Variants in ARHGEF28 observed in about 807,000 individuals in gnomAD.
The protein encoded by ARHGEF28 is Rho guanine nucleotide exchange factor 28.
In ARHGEF28, 152 loss-of-function variants were observed where a neutral mutation model predicts 206.6. The ratio of observed to expected loss-of-function variants is 0.74; its 90% CI spans 0.64 to 0.84. ARHGEF28 has a LOEUF of 0.84. ARHGEF28 is among the 40% of genes least tolerant of loss of function. The pLI is 0.00. For missense variants in ARHGEF28, 2,028 were observed against 2,073.2 expected, an observed-to-expected ratio of 0.98 and a Z score of 0.42; for synonymous variants, 763 against 776.4, an observed-to-expected ratio of 0.98 and a Z score of 0.29.
Position 73,840,389 on chromosome 5 carries a change from G to A in ARHGEF28, c.1147-91G>A, listed in dbSNP as rs959814395. ...CTCGGCCTCCTACCACGCCTGGCCA[G>A]AAGTTTTTAAATTGGGAAAATTTTA... On this transcript the variant is annotated intron_variant, in intron 10 of 35. Transcript: ENST00000513042. 3 of 1,385,236 alleles carry A rather than the reference G, an allele frequency of 2.2e-6. No individual in the cohort carries two copies. The African/African-American group carries it at 4.3e-5, about 20-fold the overall frequency. 85.8% of individuals were successfully genotyped at this position (1,385,236 alleles called of 1,614,324 possible).
intron 35 of ARHGEF28, among the ~76,000 whole-genome samples, chr5:73,937,312 A>G (rs1764477017): frequency 6.6e-6 from 1 of 152,186 alleles, no homozygotes; most frequent in Non-Finnish European, 1.5e-5. Context: ...TTTCCTGCAG[A>G]GGCTGAAATT....
At position 73,849,076 on chromosome 5, in the gene ARHGEF28, G is replaced by C; in HGVS notation, c.1736G>C (p.Ser579Thr). ...TTGGTGCGTGAATTAACAGTATGCA[G>C]TTCAAGTGAAGGTAAGCATCATTTA... is the stretch of plus-strand genomic sequence containing the variant. ...TRLVRELTVC[S>T]SSEEQRAYSL... is the part of the protein sequence containing the mutation. The change falls in exon 13 of 36, where the codon AGT becomes ACT. Residue 579 changes from serine (S) to threonine (T), a missense_variant. By Grantham distance (58) the Ser-to-Thr change is moderately conservative (BLOSUM62 1). Around this residue, in one of 3 missense-constraint regions of ARHGEF28, gnomAD observed 1,002 missense variants for 1,015.3 expected, o/e 0.99. Transcript: ENST00000513042. The C allele has an allele frequency of 6.4e-7, 1 of 1,561,676 alleles. No homozygotes were observed.
intron 35 of ARHGEF28, among the ~76,000 whole-genome samples, chr5:73,934,692 G>A (rs1764319422): frequency 6.6e-6 from 1 of 152,164 alleles, no homozygotes; most frequent in African/African-American, 2.4e-5. Flanking sequence ...TGTGAGAAAA[G>A]GCTCCCTGAG....
chr5:73,882,059 A>G (rs2973527), intron 22 of ARHGEF28, among the ~76,000 whole-genome samples: 1 of 152,022 alleles, frequency 6.6e-6, no homozygotes, highest in East Asian at 1.9e-4. Context: ...GGTTAGCCAA[A>G]GTAAATGTCA....
chr5:73,729,078 T>A (rs1435580175), intron 2 of ARHGEF28, among the ~76,000 whole-genome samples: 1 of 152,178 alleles, frequency 6.6e-6, no homozygotes, highest in Non-Finnish European at 1.5e-5. Flanking sequence ...TTCAAGAACC[T>A]GTAAGGATTG....
chr5:73,873,677 C>T (rs983513075), intron 22 of ARHGEF28, among the ~76,000 whole-genome samples: 8 of 152,072 alleles, frequency 5.3e-5, no homozygotes, highest in Non-Finnish European at 1.0e-4. Context: ...TCATTTACAG[C>T]GATGGAGTTC....
At chr5:73,745,384 A>T (rs934199160) in intron 2 of ARHGEF28, among the ~76,000 whole-genome samples, 15 of 152,070 alleles carry the variant, frequency 9.9e-5, no homozygotes, top group African/African-American at 3.6e-4. Context: ...TACCATCTGG[A>T]AAGGAATAGG....
At chr5:73,635,678 T>C (rs1161373680) in intron 1 of ARHGEF28, among the ~76,000 whole-genome samples, 1 of 152,180 alleles carries the variant, frequency 6.6e-6, no homozygotes, top group Non-Finnish European at 1.5e-5. Context: ...CACATTTAGG[T>C]ATAAGAATCA....
chr5:73,785,979 A>G (rs1221268851), intron 7 of ARHGEF28, among the ~76,000 whole-genome samples: 17 of 146,824 alleles, frequency 1.2e-4, no homozygotes, highest in Non-Finnish European at 2.5e-4. Context: ...CCTTAGGCCC[A>G]TTTCCATATC....
chr5:73,819,033 G>T (rs1352018469), intron 9 of ARHGEF28, among the ~76,000 whole-genome samples: 1 of 152,176 alleles, frequency 6.6e-6, no homozygotes, highest in East Asian at 1.9e-4. Context: ...CAAGTTGGGG[G>T]TATCATAAAA....
At chr5:73,940,787 A>T (rs140417930) in intron 35 of ARHGEF28, 57 bp from the exon 36 acceptor site, 49 of 1,338,412 alleles carry the variant, frequency 3.7e-5, no homozygotes, top group Non-Finnish European at 4.7e-5. Flanking sequence ...ACGCCAAGAC[A>T]TCTGCCTTGT....
At position 73,866,478 on chromosome 5, in the gene ARHGEF28, CT is replaced by C. The variant is rs1759715738; in HGVS notation, c.2152+467del. Among the ~76,000 whole-genome samples, 4 of 152,280 alleles carry C rather than the reference CT, an allele frequency of 2.6e-5. No homozygotes were observed. In the South Asian group the frequency reaches 8.3e-4, roughly 32 times the overall value. On this transcript the variant is annotated intron_variant, in intron 18 of 35. Transcript: ENST00000513042. ...AATCGCCATGTTTGATGGAAAAAGT[CT>C]TCAAATTTGGAGTCTGTAGATTCTT...
intron 22 of ARHGEF28, among the ~76,000 whole-genome samples, chr5:73,881,537 T>C (rs1760951912): frequency 6.6e-6 from 1 of 152,240 alleles, no homozygotes; most frequent in Non-Finnish European, 1.5e-5. Flanking sequence ...GGTGATTTTT[T>C]TGAATGATTG....
chr5:73,854,024 C>G (rs1241172946), intron 14 of ARHGEF28, among the ~76,000 whole-genome samples: 5 of 152,170 alleles, frequency 3.3e-5, no homozygotes, highest in Non-Finnish European at 7.4e-5. Flanking sequence ...TTCTCTGTCA[C>G]TCTTGTTTTT....
intron 2 of ARHGEF28, among the ~76,000 whole-genome samples, chr5:73,738,482 C>CGTGT (rs59149035): frequency 0.072 from 10,498 of 145,580 alleles, 404 homozygotes; most frequent in African/African-American, 0.093. Context: ...AGAGTGGCCT[C>CGTGT]GTGTGTGTGT....
At chr5:73,698,333 A>G (rs1039661370) in intron 2 of ARHGEF28, among the ~76,000 whole-genome samples, 2 of 152,284 alleles carry the variant, frequency 1.3e-5, no homozygotes, top group South Asian at 4.2e-4. Flanking sequence ...CACCAAGAAC[A>G]CTTTGGATAA....
intron 9 of ARHGEF28, among the ~76,000 whole-genome samples, chr5:73,800,651 AAAAG>A (rs1561413109): frequency 1.3e-5 from 2 of 152,156 alleles, no homozygotes; most frequent in Non-Finnish European, 2.9e-5. Context: ...CAAAACAGAA[AAAAG>A]AAAGAAAAAA....
chr5:73,698,843 G>C (rs1312820820), intron 2 of ARHGEF28, among the ~76,000 whole-genome samples: 2 of 151,824 alleles, frequency 1.3e-5, no homozygotes, highest in Admixed American at 1.3e-4. Flanking sequence ...GGTCCAAGGA[G>C]AAGGCGTGGT....
intron 26 of ARHGEF28, among the ~76,000 whole-genome samples, chr5:73,888,875 A>G (rs955088005): frequency 1.3e-5 from 2 of 151,708 alleles, no homozygotes; most frequent in Admixed American, 6.6e-5. Context: ...GACAGTTACA[A>G]CCTAGCTCTT....
Sources: gnomAD v4.1 joint callset for allele counts (sites outside exome capture counted in the v4.1 genomes callset) on GRCh38, gnomAD v4.1.1 for gene constraint, gnomAD v4.1.1 regional missense constraint, MANE v1.5 for transcripts, NCBI Gene and HGNC (gene_info 2026-07-23, HGNC 2026-07-21) for gene names.